The following ENTPD7 variants were observed in gnomAD, a reference collection of about 807,000 sequenced individuals.
The protein encoded by ENTPD7 is NTPDase 7.
A neutral mutation model predicts 77.9 loss-of-function variants in ENTPD7; 53 were observed. That is an observed-to-expected ratio of 0.68 (90% CI 0.55 to 0.85). The LOEUF (loss-of-function observed/expected upper bound fraction) is 0.85, where lower values mean the gene tolerates loss of function less well. Ranked by LOEUF, ENTPD7 falls within the 40% of genes least tolerant of loss-of-function variation. ENTPD7 has a pLI of 0.00. For missense variants in ENTPD7, 636 were observed against 743.7 expected, an observed-to-expected ratio of 0.86 and a Z score of 1.68; for synonymous variants, 248 against 274.9, an observed-to-expected ratio of 0.90 and a Z score of 0.97.
At chr10:99,694,526 A>G (rs1231259690) in intron 8 of ENTPD7, among the ~76,000 whole-genome samples, 4 of 136,808 alleles carry the variant, frequency 2.9e-5, no homozygotes, top group Admixed American at 2.5e-4. Flanking sequence ...TTCTATGTAC[A>G]TAAGTTTTTT....
At position 99,705,592 on chromosome 10, in the gene ENTPD7, A is replaced by T. The variant is rs2036236148; in HGVS notation, c.*909A>T. ...GAGAGTTCTTTCATTTCACTGCTAA[A>T]ATCAGTATGTAGTATGGGGAATGTA... On this transcript the variant is annotated 3_prime_UTR_variant, in exon 13 of 13. Coordinates refer to ENST00000370489, the MANE Select transcript of ENTPD7 (RefSeq NM_020354.5). The T allele has an allele frequency of 6.6e-6, 1 of 152,190 alleles. No individual in the cohort carries two copies. Among genetic ancestry groups the T allele is most frequent in the African/African-American group, 2.4e-5 (1 of 41,452 alleles). The allele number at this position is 152,190 out of a possible 1,614,324, so 9.4% of individuals were successfully genotyped here.
At chr10:99,685,767 T>C in intron 5 of ENTPD7, 25 bp from the exon 6 acceptor site, 1 of 1,568,394 alleles carries the variant, frequency 6.4e-7, no homozygotes, top group Non-Finnish European at 8.8e-7. Context: ...TGACTAACTT[T>C]GGGATTTTTT....
At chr10:99,701,962 T>C (rs1309047145) in intron 11 of ENTPD7, among the ~76,000 whole-genome samples, 2 of 151,916 alleles carry the variant, frequency 1.3e-5, no homozygotes, top group Admixed American at 1.3e-4. Flanking sequence ...GCAGGGAGAA[T>C]TGCTTGAACC....
chr10:99,670,623 G>C (rs558064910), intron 3 of ENTPD7, among the ~76,000 whole-genome samples: 1 of 152,304 alleles, frequency 6.6e-6, no homozygotes, highest in South Asian at 2.1e-4. Flanking sequence ...TACACATGTT[G>C]CTGCACTGAA....
chr10:99,700,884 A>G, intron 10 of ENTPD7, 89 bp from the exon 11 acceptor site: 1 of 1,061,704 alleles, frequency 9.4e-7, no homozygotes, highest in Non-Finnish European at 1.4e-6. Flanking sequence ...CCCACAAGTA[A>G]CTTTAGAAAT....
intron 6 of ENTPD7, among the ~76,000 whole-genome samples, chr10:99,687,259 C>CTTTTTTTTTTTTTTTTTTTTTTT (rs71009768): frequency 6.8e-5 from 2 of 29,522 alleles, no homozygotes; most frequent in African/African-American, 1.4e-4. Flanking sequence ...TTCTTTCTTT[C>CTTTTTTTTTTTTTTTTTTTTTTT]TTTTTTTTTT....
At chr10:99,695,412 C>T (rs905300302) in intron 8 of ENTPD7, among the ~76,000 whole-genome samples, 1 of 152,116 alleles carries the variant, frequency 6.6e-6, no homozygotes, top group Non-Finnish European at 1.5e-5. Context: ...GTCCCAACTA[C>T]TCAGGAGGCT....
At chr10:99,682,486 T>G (rs1226246037) in intron 5 of ENTPD7, among the ~76,000 whole-genome samples, 3 of 152,166 alleles carry the variant, frequency 2.0e-5, no homozygotes, top group African/African-American at 7.2e-5. Context: ...TTTAAAAAAT[T>G]TTTTGTTTTG....
intron 7 of ENTPD7, among the ~76,000 whole-genome samples, chr10:99,688,966 C>G (rs1261575060): frequency 1.3e-5 from 2 of 151,962 alleles, no homozygotes; most frequent in Non-Finnish European, 2.9e-5. Flanking sequence ...ATAAAATGAA[C>G]CTCCATGGAC....
intron 10 of ENTPD7, 110 bp from the exon 11 acceptor site, chr10:99,700,863 T>A (rs781093615): frequency 1.2e-6 from 1 of 850,192 alleles, no homozygotes; most frequent in Admixed American, 2.0e-5. Context: ...TTTTCCTTTG[T>A]CAGCTGGTAG....
At chr10:99,694,692 A>T in intron 8 of ENTPD7, among the ~76,000 whole-genome samples, 1 of 151,880 alleles carries the variant, frequency 6.6e-6, no homozygotes, top group African/African-American at 2.4e-5. Flanking sequence ...ACCCACCACC[A>T]TGCCTGGCTA....
At chr10:99,687,003 C>T (rs1434343805) in intron 6 of ENTPD7, among the ~76,000 whole-genome samples, 3 of 150,092 alleles carry the variant, frequency 2.0e-5, no homozygotes, top group East Asian at 1.9e-4. Flanking sequence ...CTGCAATCTC[C>T]ACCTCCTGGG....
chr10:99,669,757 T>TG (rs950957651), intron 3 of ENTPD7, among the ~76,000 whole-genome samples: 5 of 133,060 alleles, frequency 3.8e-5, no homozygotes, highest in South Asian at 2.6e-4. Flanking sequence ...TTTTTTTTTT[T>TG]TTTTTTTTTT....
chr10:99,696,951 AG>A (rs2035995379), intron 9 of ENTPD7, among the ~76,000 whole-genome samples: 1 of 152,330 alleles, frequency 6.6e-6, no homozygotes, highest in South Asian at 2.1e-4. Context: ...CACGGAGAGA[AG>A]GACCACAGAT....
At position 99,691,252 on chromosome 10, in the gene ENTPD7, A is replaced by G. The variant is rs12249456; in HGVS notation, c.710-133A>G. The G allele has an allele frequency of 9.2e-4, 833 of 905,746 alleles. 3 individuals carry two copies. The African/African-American group carries it at 0.011, about 12-fold the overall frequency. 56.1% of individuals were successfully genotyped at this position (905,746 alleles called of 1,614,324 possible). On this transcript the variant is annotated intron_variant, in intron 7 of 12. Transcript: ENST00000370489. ...CATAATCCTCCCACCTTGGCCTCCC[A>G]GTGTTTTGGGATTACAGGTGTGAGC... is the stretch of plus-strand genomic sequence containing the variant.
intron 10 of ENTPD7, 78 bp from the exon 11 acceptor site, chr10:99,700,895 G>GGAAC (rs2036108252): frequency 1.7e-6 from 2 of 1,182,106 alleles, no homozygotes; most frequent in Non-Finnish European, 1.3e-6. Flanking sequence ...CTTTAGAAAT[G>GGAAC]GAACAGCTGT....
At chr10:99,702,253 A>T (rs983339759) in intron 11 of ENTPD7, among the ~76,000 whole-genome samples, 2 of 152,122 alleles carry the variant, frequency 1.3e-5, no homozygotes, top group Non-Finnish European at 2.9e-5. Flanking sequence ...ACATTTGTAG[A>T]TATTTTAATA....
In ENTPD7 at chr10:99,659,974, C is replaced by T; in HGVS notation, c.8+10C>T. 1 of 1,613,918 alleles carries T rather than the reference C, an allele frequency of 6.2e-7. No homozygotes were observed. Among genetic ancestry groups the T allele is most frequent in the Non-Finnish European group, 8.5e-7 (1 of 1,179,964 alleles). Reference sequence around the variant, plus strand: ...GGGAACCCATGGCTAGGTAAGGCTGCACACTTTCCCTCCGGCTGGGAGCAC... The same window carrying T: ...GGGAACCCATGGCTAGGTAAGGCTGTACACTTTCCCTCCGGCTGGGAGCAC... On this transcript the variant is annotated intron_variant, in intron 2 of 12. Transcript: ENST00000370489. This position sits in a 1 kb window ranked among gnomAD's most constrained non-coding sequence, Gnocchi z 4.1.
rs117445346 is a variant in ENTPD7, at chr10:99,708,509, C to T, written c.*3826C>T. On this transcript the variant is annotated 3_prime_UTR_variant, in exon 13 of 13. Coordinates refer to ENST00000370489, the MANE Select transcript of ENTPD7 (RefSeq NM_020354.5). ...GGCCAGTCACTTACCATCTCTGGTT[C>T]GGTTCTCATCTATCAAACAAAGAGG... Among the ~76,000 whole-genome samples the T allele has an allele frequency of 1.4e-3, 218 of 152,242 alleles. 1 individual carries two copies. Among genetic ancestry groups the T allele is most frequent in the Non-Finnish European group, 1.5e-3 (100 of 68,028 alleles).
Sources: allele counts gnomAD v4.1 joint callset (sites outside exome capture counted in the v4.1 genomes callset), GRCh38; gene constraint gnomAD v4.1.1; non-coding constraint Gnocchi (gnomAD v3.1); transcripts MANE v1.5; gene names NCBI Gene and HGNC (gene_info 2026-07-23, HGNC 2026-07-21).